VAV3: variants seen among roughly 807,000 people sequenced by gnomAD.
The protein encoded by VAV3 is guanine nucleotide exchange factor VAV3.
Under a neutral mutation model 131.2 loss-of-function variants are expected in VAV3, and 94 were observed. The ratio of observed to expected loss-of-function variants is 0.72; its 90% CI spans 0.61 to 0.85. The LOEUF is 0.85. Ranked by LOEUF, VAV3 falls within the 40% of genes least tolerant of loss-of-function variation. VAV3 has a pLI of 0.00. For synonymous variants in VAV3, 349 were observed against 342.0 expected, an observed-to-expected ratio of 1.02 and a Z score of -0.22; for missense variants, 939 against 1,002.7, an observed-to-expected ratio of 0.94 and a Z score of 0.86.
intron 2 of VAV3, among the ~76,000 whole-genome samples, chr1:107,791,350 A>G (rs1237917657): frequency 1.4e-5 from 2 of 146,300 alleles, no homozygotes; most frequent in Non-Finnish European, 3.0e-5. Flanking sequence ...GCAGTTCAAT[A>G]GATTAACTAA....
chr1:107,816,133 C>T (rs376129595), intron 2 of VAV3, among the ~76,000 whole-genome samples: 1 of 152,144 alleles, frequency 6.6e-6, no homozygotes, highest in South Asian at 2.1e-4. Context: ...GGACCTGGTA[C>T]TTGTCTGTGG....
At chr1:107,755,390 G>A (rs1400196566) in intron 12 of VAV3, 37 bp downstream of exon 12, 1 of 1,419,026 alleles carries the variant, frequency 7.0e-7, no homozygotes, top group Admixed American at 1.7e-5. Flanking sequence ...GTTGATGTGG[G>A]GGTGAGGGGA....
In VAV3 at chr1:107,939,502, G is replaced by A. The variant is rs115029579; in HGVS notation, c.204+25164C>T. On this transcript the variant is annotated intron_variant, in intron 1 of 26. Transcript: ENST00000370056. ...CCCAGTCAGCCAAGTGATCATGAGG[G>A]TAAACAACCAATACTCTACAATGTA... 5.5e-3 allele frequency among the ~76,000 whole-genome samples: 831 copies of A among 152,302 alleles called. 15 individuals carry two copies. Among genetic ancestry groups the A allele is most frequent in the African/African-American group, 0.019 (795 of 41,550 alleles).
chr1:107,854,743 G>A (rs1669390452), intron 2 of VAV3, among the ~76,000 whole-genome samples: 1 of 152,258 alleles, frequency 6.6e-6, no homozygotes. Flanking sequence ...AGTGAATCAC[G>A]AATATGATGG....
At chr1:107,635,996 T>C (rs1368092667) in intron 20 of VAV3, among the ~76,000 whole-genome samples, 5 of 152,224 alleles carry the variant, frequency 3.3e-5, no homozygotes, top group Non-Finnish European at 2.9e-5. Context: ...ATTAGTATCA[T>C]GGGTATTAAC....
At chr1:107,685,857 G>C (rs1235821015) in intron 18 of VAV3, 1 of 151,382 alleles carries the variant, frequency 6.6e-6, no homozygotes, top group Non-Finnish European at 1.5e-5. Flanking sequence ...AAAAGTCTAG[G>C]ACGGAGCTGG....
chr1:107,730,032 C>T (rs1411754810), intron 15 of VAV3, among the ~76,000 whole-genome samples: 2 of 152,104 alleles, frequency 1.3e-5, no homozygotes, highest in African/African-American at 4.8e-5. Context: ...AATAGTCTGG[C>T]TACTTTGAGG....
At chr1:107,718,261 C>CA (rs1388447878) in intron 15 of VAV3, among the ~76,000 whole-genome samples, 3 of 152,134 alleles carry the variant, frequency 2.0e-5, no homozygotes, top group Non-Finnish European at 4.4e-5. Context: ...AAGAGGAAAT[C>CA]AGTTTGTCCC....
At chr1:107,734,314 A>G (rs1348276215) in intron 15 of VAV3, among the ~76,000 whole-genome samples, 1 of 152,216 alleles carries the variant, frequency 6.6e-6, no homozygotes, top group Non-Finnish European at 1.5e-5. Context: ...AACGGGCAAA[A>G]TAACCAGCTA....
At chr1:107,928,065 C>A (rs905609336) in intron 1 of VAV3, among the ~76,000 whole-genome samples, 1 of 152,126 alleles carries the variant, frequency 6.6e-6, no homozygotes, top group Admixed American at 6.5e-5. Context: ...TGGCTCAGAA[C>A]AGAAAGAGAA....
chr1:107,707,532 G>A (rs1480784321), intron 15 of VAV3, among the ~76,000 whole-genome samples: 1 of 152,230 alleles, frequency 6.6e-6, no homozygotes, highest in Non-Finnish European at 1.5e-5. Context: ...GTGTGATCAT[G>A]ATAGTGCTTT....
intron 13 of VAV3, 135 bp from the exon 14 acceptor site, chr1:107,749,729 C>T (rs1005627075): frequency 3.1e-5 from 30 of 976,764 alleles, no homozygotes; most frequent in African/African-American, 1.0e-4. Flanking sequence ...CTGAAAACAA[C>T]GGGGTATTTG....
At chr1:107,876,645 C>T (rs1006162829) in intron 1 of VAV3, among the ~76,000 whole-genome samples, 9 of 152,082 alleles carry the variant, frequency 5.9e-5, no homozygotes, top group Admixed American at 3.3e-4. Context: ...GCAGACACTA[C>T]TGACTACTTA....
intron 12 of VAV3, among the ~76,000 whole-genome samples, chr1:107,755,063 G>A (rs1465533300): frequency 6.6e-6 from 1 of 151,724 alleles, no homozygotes; most frequent in Non-Finnish European, 1.5e-5. Context: ...AAAGTGTCTG[G>A]GTCATAATAG....
chr1:107,614,380 T>A (rs1026333539), intron 21 of VAV3, among the ~76,000 whole-genome samples: 24 of 151,886 alleles, frequency 1.6e-4, no homozygotes, highest in African/African-American at 5.6e-4. Context: ...AAACAATATA[T>A]CCCAGAATCA....
chr1:107,842,211 T>C (rs17020163), intron 2 of VAV3, among the ~76,000 whole-genome samples: 3,731 of 152,296 alleles, frequency 0.024, 94 homozygotes, highest in African/African-American at 0.061. Flanking sequence ...CTTTAAGACA[T>C]TGCTTTAAAC....
intron 1 of VAV3, among the ~76,000 whole-genome samples, chr1:107,934,633 T>C (rs571772872): frequency 6.6e-6 from 1 of 152,300 alleles, no homozygotes; most frequent in South Asian, 2.1e-4. Flanking sequence ...GGTAGCTCTG[T>C]TAAAAACTGT....
chr1:107,934,177 T>A (rs956075040), intron 1 of VAV3, among the ~76,000 whole-genome samples: 5 of 152,250 alleles, frequency 3.3e-5, no homozygotes, highest in African/African-American at 9.6e-5. Flanking sequence ...ATTCTTTAAA[T>A]AATTATATCC....
intron 25 of VAV3, among the ~76,000 whole-genome samples, chr1:107,581,637 A>C (rs1650060848): frequency 6.6e-6 from 1 of 152,232 alleles, no homozygotes; most frequent in South Asian, 2.1e-4. Context: ...CAAAACACAG[A>C]AGAATGCCAA....
Sources: gnomAD v4.1 joint callset for allele counts (sites outside exome capture counted in the v4.1 genomes callset) on GRCh38, gnomAD v4.1.1 for gene constraint, MANE v1.5 for transcripts, NCBI Gene and HGNC (gene_info 2026-07-23, HGNC 2026-07-21) for gene names.